Variants in PPP1R9A observed in about 807,000 individuals in gnomAD.
PPP1R9A encodes neurabin-1.
In PPP1R9A, 59 loss-of-function variants were observed where a neutral mutation model predicts 141.9. The observed-to-expected ratio is 0.42, with a 90% CI of 0.34 to 0.52. The LOEUF is 0.52. Among genes scored for constraint, PPP1R9A ranks in the 20% least tolerant of loss-of-function variants. The pLI, the probability that PPP1R9A is intolerant of heterozygous loss-of-function variation, is 0.10. For synonymous variants in PPP1R9A, 500 were observed against 569.7 expected, an observed-to-expected ratio of 0.88 and a Z score of 1.74; for missense variants, 1,444 against 1,611.9, an observed-to-expected ratio of 0.90 and a Z score of 1.78.
intron 12 of PPP1R9A, 67 bp from the exon 13 acceptor site, chr7:95,268,483 T>C: frequency 2.6e-6 from 4 of 1,558,654 alleles, no homozygotes; most frequent in Non-Finnish European, 3.5e-6. Flanking sequence ...ATTTTATCAG[T>C]GTCTGTGGTC....
chr7:95,124,475 A>C (rs1178269452), intron 4 of PPP1R9A, among the ~76,000 whole-genome samples: 1 of 152,128 alleles, frequency 6.6e-6, no homozygotes, highest in Non-Finnish European at 1.5e-5. Context: ...GGTTTTTTAA[A>C]ATTTTGGCTG....
At chr7:95,050,050 A>G (rs1340510395) in intron 2 of PPP1R9A, among the ~76,000 whole-genome samples, 1 of 152,146 alleles carries the variant, frequency 6.6e-6, no homozygotes, top group African/African-American at 2.4e-5. Context: ...GTATGGTTAG[A>G]GTATATTTAG....
In PPP1R9A at chr7:95,060,769, G is replaced by A. The variant is rs113848079; in HGVS notation, c.1396-50490G>A. 9.4e-3 allele frequency among the ~76,000 whole-genome samples: 1,439 copies of A among 152,310 alleles called. 8 individuals are homozygous for A. Among genetic ancestry groups the A allele is most frequent in the Non-Finnish European group, 0.014 (923 of 68,030 alleles). On this transcript the variant is annotated intron_variant, in intron 2 of 19. Coordinates refer to ENST00000433360, the MANE Select transcript of PPP1R9A (RefSeq NM_001166160.2). ...AGGGGTGGGCAGTATGACCTGATTG[G>A]CTATAGGGATTTATATTCCAGTTTA...
intron 3 of PPP1R9A, among the ~76,000 whole-genome samples, chr7:95,112,725 G>A (rs1166790320): frequency 2.0e-5 from 3 of 151,720 alleles, no homozygotes; most frequent in Non-Finnish European, 4.4e-5. Flanking sequence ...TATACACTAT[G>A]GACTACTGTG....
intron 16 of PPP1R9A, among the ~76,000 whole-genome samples, chr7:95,283,587 G>A (rs1179326859): frequency 6.6e-6 from 1 of 152,096 alleles, no homozygotes; most frequent in Non-Finnish European, 1.5e-5. Flanking sequence ...ATTTTCTTAA[G>A]TCTCAGACCC....
intron 2 of PPP1R9A, among the ~76,000 whole-genome samples, chr7:95,019,818 C>T (rs1204269866): frequency 3.4e-5 from 2 of 58,018 alleles, no homozygotes; most frequent in African/African-American, 5.5e-5. Flanking sequence ...CATTAAACAT[C>T]CCCCCTCGCC....
intron 2 of PPP1R9A, among the ~76,000 whole-genome samples, chr7:95,106,610 A>G (rs758999240): frequency 4.6e-5 from 7 of 152,156 alleles, no homozygotes; most frequent in Non-Finnish European, 8.8e-5. Flanking sequence ...GCTATTACAG[A>G]TAGTGCTGTA....
chr7:95,125,531 G>C (rs1192011409), intron 4 of PPP1R9A, among the ~76,000 whole-genome samples: 1 of 152,156 alleles, frequency 6.6e-6, no homozygotes, highest in Non-Finnish European at 1.5e-5. Flanking sequence ...CCTCATTCAT[G>C]ATTCCATAAA....
intron 10 of PPP1R9A, 147 bp downstream of exon 10, chr7:95,250,402 T>C: frequency 1.4e-6 from 1 of 707,746 alleles, no homozygotes; most frequent in South Asian, 2.4e-5. Flanking sequence ...TAAATACACA[T>C]TAAGTTTTGG....
chr7:95,038,157 A>T (rs1808718633), intron 2 of PPP1R9A, among the ~76,000 whole-genome samples: 1 of 151,952 alleles, frequency 6.6e-6, no homozygotes, highest in African/African-American at 2.4e-5. Flanking sequence ...AACAAGAAAA[A>T]ACTGGACAAA....
intron 2 of PPP1R9A, among the ~76,000 whole-genome samples, chr7:94,985,796 C>T (rs1800756527): frequency 6.6e-6 from 1 of 151,966 alleles, no homozygotes; most frequent in African/African-American, 2.4e-5. Flanking sequence ...TTCTCTATTA[C>T]TCTATAAAAA....
intron 5 of PPP1R9A, among the ~76,000 whole-genome samples, chr7:95,175,254 A>G (rs200990501): frequency 1.0e-5 from 1 of 99,782 alleles, no homozygotes; most frequent in Admixed American, 1.3e-4. Context: ...ATCAATAACT[A>G]GTTGGATGGA....
chr7:95,069,875 T>C lies in PPP1R9A; in HGVS notation c.1396-41384T>C, dbSNP rs117457222. 4.6e-3 allele frequency among the ~76,000 whole-genome samples: 706 copies of C among 152,318 alleles called. 2 individuals carry two copies. Among genetic ancestry groups the C allele is most frequent in the Non-Finnish European group, 8.2e-3 (558 of 68,016 alleles). On this transcript the variant is annotated intron_variant, in intron 2 of 19. Transcript: ENST00000433360. Reference sequence around the variant, plus strand: ...GTCCTTTAGCTTCATGTTACTTAGCTTACTGTATGTCCTTTAGCTTCATGT... The same window carrying C: ...GTCCTTTAGCTTCATGTTACTTAGCCTACTGTATGTCCTTTAGCTTCATGT...
At chr7:95,208,967 A>AC (rs1563420085) in intron 7 of PPP1R9A, among the ~76,000 whole-genome samples, 106 of 149,296 alleles carry the variant, frequency 7.1e-4, no homozygotes, top group African/African-American at 2.5e-3. Context: ...AAAAAAAAAA[A>AC]AAAAAAAAAA....
chr7:94,986,404 A>G (rs1322670227), intron 2 of PPP1R9A, among the ~76,000 whole-genome samples: 1 of 152,176 alleles, frequency 6.6e-6, no homozygotes, highest in African/African-American at 2.4e-5. Flanking sequence ...AGAAAGATAA[A>G]TACTGTGTTC....
chr7:95,018,788 G>C (rs1267653126), intron 2 of PPP1R9A, among the ~76,000 whole-genome samples: 1 of 152,132 alleles, frequency 6.6e-6, no homozygotes, highest in Admixed American at 6.6e-5. Context: ...CAAACATGAA[G>C]CTCTTACTGC....
At position 95,035,913 on chromosome 7, in the gene PPP1R9A, T is replaced by C. The variant is rs573460192; in HGVS notation, c.1396-75346T>C. On this transcript the variant is annotated intron_variant, in intron 2 of 19. Transcript: ENST00000433360. ...GCTATGTGGAGACTTGCCTGAATGC[T>C]GTCTCCTATTTAGGTAGAGGCCAAT... The C allele has an allele frequency of 2.0e-5, 3 of 152,334 alleles. No individual in the cohort carries two copies. In the South Asian group the frequency reaches 6.2e-4, roughly 32 times the overall value. 9.4% of individuals were successfully genotyped at this position (152,334 alleles called of 1,614,324 possible). A position where few individuals can be genotyped will look rare whatever the true frequency, so the allele number is the denominator to read the frequency against.
intron 2 of PPP1R9A, among the ~76,000 whole-genome samples, chr7:94,925,698 A>G (rs776814079): frequency 6.6e-6 from 1 of 152,110 alleles, no homozygotes; most frequent in South Asian, 2.1e-4. Context: ...GGATTGTCAC[A>G]CCGCTTGGCA....
chr7:94,936,477 T>G (rs1794771391), intron 2 of PPP1R9A, among the ~76,000 whole-genome samples: 1 of 152,174 alleles, frequency 6.6e-6, no homozygotes, highest in Non-Finnish European at 1.5e-5. Flanking sequence ...TTTACTATCT[T>G]ATGTCATGTT....
Sources: gnomAD v4.1 joint callset for allele counts (sites outside exome capture counted in the v4.1 genomes callset) on GRCh38, gnomAD v4.1.1 for gene constraint, MANE v1.5 for transcripts, NCBI Gene and HGNC (gene_info 2026-07-23, HGNC 2026-07-21) for gene names.